The following RIMBP2 variants were observed in gnomAD, a reference collection of about 807,000 sequenced individuals.
RIMBP2 encodes RIMS binding protein 2.
A neutral mutation model predicts 118.6 loss-of-function variants in RIMBP2; 48 were observed. The observed-to-expected ratio is 0.40, with a 90% CI of 0.32 to 0.51. The LOEUF (loss-of-function observed/expected upper bound fraction) is 0.51, where lower values mean the gene tolerates loss of function less well. RIMBP2 is among the 20% of genes least tolerant of loss of function. The pLI, the probability that RIMBP2 is intolerant of heterozygous loss-of-function variation, is 0.41. For missense variants in RIMBP2, 1,551 were observed against 1,768.3 expected (o/e 0.88, Z 2.20); for synonymous variants, 762 against 742.9 (o/e 1.03, Z -0.42).
intron 1 of RIMBP2, among the ~76,000 whole-genome samples, chr12:130,645,367 AGAG>A (rs1487223915): frequency 1.3e-5 from 2 of 152,328 alleles, no homozygotes; most frequent in African/African-American, 4.8e-5. Flanking sequence ...TCTATTATCC[AGAG>A]GAGAAAATAA....
rs148714229 is a variant in RIMBP2, at chr12:130,625,014, C to T, written c.-217+3308G>A. Among the ~76,000 whole-genome samples, 262 of 152,322 alleles carry T rather than the reference C, an allele frequency of 1.7e-3. 2 individuals carry two copies. The highest frequency in any genetic ancestry group is 5.9e-3 in the African/African-American group (247 of 41,574). ...CTGAGATTACAGGCATGAGCCACCA[C>T]GCCAGCCGACCTATCTGGGTGTCTT... is the stretch of plus-strand genomic sequence containing the variant. On this transcript the variant is annotated intron_variant, in intron 2 of 22. Coordinates refer to ENST00000690449, the MANE Select transcript of RIMBP2 (RefSeq NM_001393629.1).
intron 1 of RIMBP2, among the ~76,000 whole-genome samples, chr12:130,640,480 G>A (rs1042197472): frequency 1.3e-5 from 2 of 152,296 alleles, no homozygotes; most frequent in Admixed American, 6.5e-5. Context: ...TTCATTTTCC[G>A]TTTTAATGCT....
intron 2 of RIMBP2, among the ~76,000 whole-genome samples, chr12:130,613,903 C>T (rs533830929): frequency 6.6e-6 from 1 of 151,796 alleles, no homozygotes; most frequent in Non-Finnish European, 1.5e-5. Context: ...AGGCACAATG[C>T]CAGAAGGTGC....
intron 1 of RIMBP2, among the ~76,000 whole-genome samples, chr12:130,692,034 A>T (rs2065331381): frequency 6.6e-6 from 1 of 151,936 alleles, no homozygotes; most frequent in South Asian, 2.1e-4. Context: ...GAAAAAGGAG[A>T]TCTTATTTGT....
chr12:130,646,171 CTGCCTCTCCACCTCCCTCACCACT>C (rs1566422542), intron 1 of RIMBP2, among the ~76,000 whole-genome samples: 11 of 59,318 alleles, frequency 1.9e-4, no homozygotes, highest in South Asian at 7.0e-4. Context: ...CCCTCACCAC[CTGCCTCTCCACCTCCCTCACCACT>C]TCCCTCTCCA....
chr12:130,397,593 A>G (rs986226354), intron 22 of RIMBP2, 44 bp from the exon 23 acceptor site: 1 of 398,662 alleles, frequency 2.5e-6, no homozygotes, highest in Non-Finnish European at 4.4e-6. Context: ...GTGAGCGCCA[A>G]CAACAGAATT....
chr12:130,422,560 A>G lies in RIMBP2; in HGVS notation c.3131T>C (p.Ile1044Thr). The G allele has an allele frequency of 6.3e-7, 1 of 1,599,892 alleles. No homozygotes were observed. Among genetic ancestry groups the G allele is most frequent in the Non-Finnish European group, 8.5e-7 (1 of 1,171,960 alleles). ...PPPRVAQGPL[I>T]LGNPASAGRV... Reference sequence around the variant, plus strand: ...TCCTGCAGAGGCTGGGTTCCCTAAAATCTAAAGACAAAACAACAACAAAGT... The same window carrying G: ...TCCTGCAGAGGCTGGGTTCCCTAAAGTCTAAAGACAAAACAACAACAAAGT... Residue 1044 changes from isoleucine (I) to threonine (T), a missense_variant and splice_region_variant, in exon 17 of 23, where the codon ATT (isoleucine) becomes ACT (threonine). Ile to Thr is a moderately conservative substitution (Grantham distance 89, BLOSUM62 -1). Coordinates refer to ENST00000690449, the MANE Select transcript of RIMBP2 (RefSeq NM_001393629.1). This position sits in a 1 kb window ranked among gnomAD's most constrained non-coding sequence, Gnocchi z 5.2.
intron 4 of RIMBP2, among the ~76,000 whole-genome samples, chr12:130,481,912 T>C (rs2082043202): frequency 1.3e-5 from 2 of 149,984 alleles, no homozygotes; most frequent in Admixed American, 1.3e-4. Context: ...AGAGCCTCAG[T>C]TTCCCCCCGA....
intron 11 of RIMBP2, among the ~76,000 whole-genome samples, 187 bp downstream of exon 11, chr12:130,441,661 T>C (rs2078150282): frequency 6.6e-6 from 1 of 152,178 alleles, no homozygotes; most frequent in African/African-American, 2.4e-5. Flanking sequence ...GTCCCTAACA[T>C]GTTCCAAGGA....
chr12:130,536,718 T>C (rs1483818496), intron 2 of RIMBP2, among the ~76,000 whole-genome samples: 1 of 152,216 alleles, frequency 6.6e-6, no homozygotes. Context: ...AATCCCAGTA[T>C]GTAGAGCTTA....
rs555851226 is a variant in RIMBP2 at position 130,504,847 on chromosome 12, C to A, written c.-4+1801G>T. ...GTGGGAGAGGGTTTTACATCCCTGG[C>A]CTCCCCTTCCCCAGTCATATCAATC... On this transcript the variant is annotated intron_variant, in intron 4 of 22. Transcript: ENST00000690449. Among the ~76,000 whole-genome samples, 241 of 152,316 alleles carry A rather than the reference C, an allele frequency of 1.6e-3. 2 individuals are homozygous for A. Among genetic ancestry groups the A allele is most frequent in the African/African-American group, 5.5e-3 (228 of 41,570 alleles).
intron 5 of RIMBP2, among the ~76,000 whole-genome samples, chr12:130,476,470 T>C (rs2081438292): frequency 6.6e-6 from 1 of 152,122 alleles, no homozygotes; most frequent in Non-Finnish European, 1.5e-5. Flanking sequence ...CACTGCCTGG[T>C]GGGGTAAGCA....
chr12:130,604,729 A>G (rs74192427), intron 2 of RIMBP2, among the ~76,000 whole-genome samples: 1 of 32,226 alleles, frequency 3.1e-5, no homozygotes, highest in Non-Finnish European at 7.5e-5. Flanking sequence ...GACTACAGGC[A>G]CCACCACCAC....
chr12:130,479,992 C>T (rs1392361575), intron 4 of RIMBP2, among the ~76,000 whole-genome samples: 2 of 152,036 alleles, frequency 1.3e-5, no homozygotes, highest in East Asian at 2.0e-4. Context: ...ACCCATGAAG[C>T]TCACAGCAGT....
intron 1 of RIMBP2, among the ~76,000 whole-genome samples, chr12:130,654,251 T>C (rs1309641854): frequency 6.6e-6 from 1 of 152,248 alleles, no homozygotes; most frequent in African/African-American, 2.4e-5. Flanking sequence ...GCATAGGTTA[T>C]TAGAAGCAGC....
rs187539900 is a variant in RIMBP2, at chr12:130,647,693, A to C, written c.-351-19237T>G. 3.9e-4 allele frequency among the ~76,000 whole-genome samples: 57 copies of C among 145,514 alleles called. 9 individuals are homozygous for C. Among genetic ancestry groups the C allele is most frequent in the Non-Finnish European group, 8.3e-4 (53 of 64,202 alleles). The stretch of plus-strand genomic sequence containing the variant: ...AAGTTTCTCCTCCTAACCAACTACA[A>C]ATCAGAAAATCTTTGCATATACCTA... On this transcript the variant is annotated intron_variant, in intron 1 of 22. Transcript: ENST00000690449.
Position 130,511,952 on chromosome 12 carries a change from C to T in RIMBP2, c.-126-5182G>A, listed in dbSNP as rs996069918. Among the ~76,000 whole-genome samples, 9 of 152,144 alleles carry T rather than the reference C, an allele frequency of 5.9e-5. No homozygotes were observed. Among genetic ancestry groups the T allele is most frequent in the Non-Finnish European group, 1.2e-4 (8 of 68,034 alleles). On this transcript the variant is annotated intron_variant, in intron 3 of 22. Transcript: ENST00000690449. The surrounding 1 kb of genome is among the most constrained non-coding windows in gnomAD (Gnocchi z 4.3). The stretch of plus-strand genomic sequence containing the variant: ...GCTTCCTGAGCACAACAGTGCCCTT[C>T]GTATGAAACCCACCAAGCTCAGGCT...
Position 130,694,550 on chromosome 12 carries a change from G to A in RIMBP2, c.-352+21672C>T, listed in dbSNP as rs563017933. Among the ~76,000 whole-genome samples the A allele has an allele frequency of 4.9e-4, 75 of 152,128 alleles. 1 individual carries two copies. The South Asian group carries it at 0.01, about 21-fold the overall frequency. ...CGCTCCAGCATGCTGGCCTCTCTAC[G>A]CTCCTGCCCAAGGCCTTCTCGGGAC... On this transcript the variant is annotated intron_variant, in intron 1 of 22. Transcript: ENST00000690449.
rs2061433948 is a variant in RIMBP2 at position 130,623,336 on chromosome 12, G to A, written c.-217+4986C>T. Among the ~76,000 whole-genome samples, 2 of 152,152 alleles carry A rather than the reference G, an allele frequency of 1.3e-5. No individual in the cohort carries two copies. Among genetic ancestry groups the A allele is most frequent in the Admixed American group, 6.5e-5 (1 of 15,278 alleles). On this transcript the variant is annotated intron_variant, in intron 2 of 22. Coordinates refer to ENST00000690449, the MANE Select transcript of RIMBP2 (RefSeq NM_001393629.1). The surrounding 1 kb of genome is among the most constrained non-coding windows in gnomAD (Gnocchi z 4.1). ...TATACATGTGCCACAGTGGTTTGCT[G>A]CACCCATCAGCCTGTCATCTAGGTT...
Sources: allele counts gnomAD v4.1 joint callset (sites outside exome capture counted in the v4.1 genomes callset), GRCh38; gene constraint gnomAD v4.1.1; non-coding constraint Gnocchi (gnomAD v3.1); transcripts MANE v1.5; gene names NCBI Gene and HGNC (gene_info 2026-07-23, HGNC 2026-07-21).